The following ATP1A4 variants were observed in gnomAD, a reference collection of about 807,000 sequenced individuals.
The protein encoded by ATP1A4 is ATPase Na+/K+ transporting subunit alpha 4, also known as sodium/potassium-transporting ATPase subunit alpha-4.
Under a neutral mutation model 114.3 loss-of-function variants are expected in ATP1A4, and 90 were observed. The ratio of observed to expected loss-of-function variants is 0.79; its 90% CI spans 0.66 to 0.94. The LOEUF (loss-of-function observed/expected upper bound fraction) is 0.94. Among genes scored for constraint, ATP1A4 ranks in the 40% least tolerant of loss-of-function variants. The probability of loss-of-function intolerance (pLI) is 0.00; values close to 1 mark genes in which losing one functional copy is unlikely to be tolerated. For synonymous variants in ATP1A4, 511 were observed against 494.1 expected, an observed-to-expected ratio of 1.03 and a Z score of -0.45; for missense variants, 1,222 against 1,313.6, an observed-to-expected ratio of 0.93 and a Z score of 1.08.
At chr1:160,169,897 C>G (rs182020342) in intron 10 of ATP1A4, 1 of 152,276 alleles carries the variant, frequency 6.6e-6, no homozygotes, top group African/African-American at 2.4e-5. Flanking sequence ...AGACTTCTCA[C>G]GCTTTTAGGA....
intron 4 of ATP1A4, among the ~76,000 whole-genome samples, chr1:160,157,729 A>G (rs561267749): frequency 6.6e-6 from 1 of 152,232 alleles, no homozygotes; most frequent in Non-Finnish European, 1.5e-5. Flanking sequence ...ACAGAGAGAG[A>G]GAGGATGAAA....
At chr1:160,167,206 T>C in intron 9 of ATP1A4, 72 bp from the exon 10 acceptor site, 2 of 1,403,984 alleles carry the variant, frequency 1.4e-6, no homozygotes, top group South Asian at 1.2e-5. Context: ...CCCCTCTCCA[T>C]GTTGCCACAG....
chr1:160,183,828 C>T (rs181423300), intron 20 of ATP1A4, among the ~76,000 whole-genome samples: 4 of 152,234 alleles, frequency 2.6e-5, no homozygotes, highest in Non-Finnish European at 2.9e-5. Flanking sequence ...GGTTGGACTA[C>T]GTTCCCCTTC....
intron 4 of ATP1A4, among the ~76,000 whole-genome samples, chr1:160,157,007 G>A (rs1652693451): frequency 1.3e-5 from 2 of 152,126 alleles, no homozygotes; most frequent in Admixed American, 6.5e-5. Context: ...AGGAGGCTGA[G>A]GTAGGAGGAT....
chr1:160,184,316 TG>T (rs973544659), intron 20 of ATP1A4, among the ~76,000 whole-genome samples: 3 of 151,778 alleles, frequency 2.0e-5, no homozygotes, highest in African/African-American at 7.2e-5. Flanking sequence ...GAGGCCAAGG[TG>T]GGGGGATCGC....
At chr1:160,153,299 T>G in intron 2 of ATP1A4, 75 bp downstream of exon 2, 1 of 1,364,948 alleles carries the variant, frequency 7.3e-7, no homozygotes, top group Non-Finnish European at 1.0e-6. Context: ...AAAGCTGAAC[T>G]AGGAATCCAG....
intron 20 of ATP1A4, among the ~76,000 whole-genome samples, chr1:160,185,456 C>A (rs935057796): frequency 6.6e-6 from 1 of 152,008 alleles, no homozygotes; most frequent in Non-Finnish European, 1.5e-5. Context: ...CCTCTCCACT[C>A]CCGATCACTA....
intron 10 of ATP1A4, chr1:160,170,782 G>T (rs12060485): frequency 0.21 from 32,459 of 152,568 alleles, 4,094 homozygotes; most frequent in African/African-American, 0.36. Context: ...ACGGGGTTTT[G>T]CCATGCTGGC....
chr1:160,155,015 T>C (rs1334986444), intron 2 of ATP1A4, 30 bp from the exon 3 acceptor site: 3 of 1,605,132 alleles, frequency 1.9e-6, no homozygotes, highest in African/African-American at 2.7e-5. Context: ...TTCACAGCTC[T>C]CTATCCAACC....
At chr1:160,169,235 C>T (rs1485152437) in intron 10 of ATP1A4, among the ~76,000 whole-genome samples, 1 of 152,188 alleles carries the variant, frequency 6.6e-6, no homozygotes, top group Non-Finnish European at 1.5e-5. Flanking sequence ...AGACTGCTGG[C>T]GGTTTGCAGA....
chr1:160,175,250 C>T (rs528506829), intron 15 of ATP1A4, among the ~76,000 whole-genome samples: 45 of 152,142 alleles, frequency 3.0e-4, no homozygotes, highest in Non-Finnish European at 4.9e-4. Context: ...TGCCCTCCTG[C>T]GAACAGGAGA....
chr1:160,157,091 A>C (rs1652698481), intron 4 of ATP1A4, among the ~76,000 whole-genome samples: 1 of 152,202 alleles, frequency 6.6e-6, no homozygotes. Context: ...GCTGTCTCAA[A>C]AAAAAGACAG....
Position 160,174,588 on chromosome 1 carries a change from G to A in ATP1A4, c.2152G>A (p.Val718Met). 1.9e-6 allele frequency: 3 copies of A among 1,613,722 alleles called. No homozygotes were observed. Among genetic ancestry groups the A allele is most frequent in the South Asian group, 1.1e-5 (1 of 91,058 alleles). Residue 718 changes from valine (V) to methionine (M), a missense_variant, in exon 15 of 22, where the codon GTG becomes ATG. Val to Met is a conservative substitution (Grantham distance 21). Transcript: ENST00000368081. ...VEGCQRLGAVVAVTGDGVNDS... is the reference protein window; with the variant it reads ...VEGCQRLGAVMAVTGDGVNDS... ...GTCTGGACTTCCTCAGGGAGCCGTT[G>A]TGGCCGTGACAGGTGACGGGGTGAA...
Position 160,159,434 on chromosome 1 carries a change from A to G in ATP1A4, c.686A>G (p.Glu229Gly), listed in dbSNP as rs1311460164. ...CKVDNSSLTG[E>G]SEPQSRSPDF... is the part of the protein sequence containing the mutation. ...GTGGACAACTCATCCTTGACTGGGG[A>G]GTCAGAACCCCAGAGCCGCTCCCCT... The change falls in exon 6 of 22, where the codon GAG becomes GGG. Residue 229 changes from glutamate (E) to glycine (G), a missense_variant. Physicochemically the swap from Glu to Gly is moderately conservative, Grantham distance 98. Transcript: ENST00000368081. 5.6e-6 allele frequency: 9 copies of G among 1,613,556 alleles called. No homozygotes were observed. Among genetic ancestry groups the G allele is most frequent in the Non-Finnish European group, 7.6e-6 (9 of 1,179,836 alleles).
At chr1:160,156,559 C>T (rs1360949805) in intron 4 of ATP1A4, among the ~76,000 whole-genome samples, 1 of 152,064 alleles carries the variant, frequency 6.6e-6, no homozygotes, top group Non-Finnish European at 1.5e-5. Context: ...ATTAAACAGA[C>T]CAGGCATAGT....
intron 1 of ATP1A4, among the ~76,000 whole-genome samples, chr1:160,152,633 C>T (rs936966859): frequency 1.3e-5 from 2 of 152,178 alleles, no homozygotes; most frequent in Non-Finnish European, 1.5e-5. Context: ...TTAGTGGGGT[C>T]TTTGTCTTTA....
chr1:160,157,124 A>G (rs954397949), intron 4 of ATP1A4, among the ~76,000 whole-genome samples: 1 of 152,196 alleles, frequency 6.6e-6, no homozygotes, highest in Admixed American at 6.5e-5. Context: ...TAAATGCAAT[A>G]TCTAACCCTA....
intron 2 of ATP1A4, among the ~76,000 whole-genome samples, chr1:160,153,776 G>A (rs1201516719): frequency 3.3e-5 from 5 of 152,144 alleles, no homozygotes; most frequent in Non-Finnish European, 7.3e-5. Flanking sequence ...GATAAAATCT[G>A]TTGTGATGTT....
At position 160,166,563 on chromosome 1, in the gene ATP1A4, G is replaced by A. The variant is rs2101636723; in HGVS notation, c.1083G>A (p.Arg361=). Residue 361 remains arginine, a synonymous_variant, in exon 8 of 22, where the codon CGG becomes CGA. Coordinates refer to ENST00000368081, the MANE Select transcript of ATP1A4 (RefSeq NM_144699.4). ...CCCTCACAGCCAAGCGCATGGCGCG[G>A]AAGAACTGCCTGGTGAAGAACCTGG... ...CLTLTAKRMA[R]KNCLVKNLEA... is the part of the protein sequence containing the mutation. The A allele has an allele frequency of 6.2e-7, 1 of 1,614,246 alleles. No homozygotes were observed. The highest frequency in any genetic ancestry group is 1.3e-5 in the African/African-American group (1 of 75,072).
Sources: gnomAD v4.1 joint callset for allele counts (sites outside exome capture counted in the v4.1 genomes callset) on GRCh38, gnomAD v4.1.1 for gene constraint, MANE v1.5 for transcripts, NCBI Gene and HGNC (gene_info 2026-07-23, HGNC 2026-07-21) for gene names.